THSD7A: variants seen among roughly 807,000 people sequenced by gnomAD.
The protein encoded by THSD7A is thrombospondin type 1 domain containing 7A, also known as thrombospondin type-1 domain-containing protein 7A.
Under a neutral mutation model 231.3 loss-of-function variants are expected in THSD7A, and 96 were observed. The observed-to-expected ratio is 0.41, with a 90% CI of 0.35 to 0.49. The LOEUF is 0.49. Among genes scored for constraint, THSD7A ranks in the 20% least tolerant of loss-of-function variants. The probability of loss-of-function intolerance (pLI) is 0.05; values close to 1 mark genes in which losing one functional copy is unlikely to be tolerated. For missense variants in THSD7A, 2,290 were observed against 2,070.2 expected (o/e 1.11, Z -2.06); for synonymous variants, 940 against 743.3 (o/e 1.26, Z -4.30).
chr7:11,503,463 C>T (rs1236328036), intron 6 of THSD7A, among the ~76,000 whole-genome samples: 2 of 152,114 alleles, frequency 1.3e-5, no homozygotes, highest in Non-Finnish European at 2.9e-5. Flanking sequence ...CAAATGGGAT[C>T]TAATTAAACT....
At chr7:11,378,838 A>G in intron 26 of THSD7A, 2 of 511,438 alleles carry the variant, frequency 3.9e-6, no homozygotes, top group Admixed American at 3.3e-5. Context: ...AATTATATTG[A>G]TCCAAAATTT....
At chr7:11,587,272 A>C (rs1198842354) in intron 4 of THSD7A, among the ~76,000 whole-genome samples, 1 of 152,222 alleles carries the variant, frequency 6.6e-6, no homozygotes, top group African/African-American at 2.4e-5. Flanking sequence ...TCACGCCAGC[A>C]TAAGCTGGAC....
chr7:11,448,619 C>G (rs527624377), intron 11 of THSD7A, among the ~76,000 whole-genome samples: 5 of 152,166 alleles, frequency 3.3e-5, no homozygotes, highest in African/African-American at 9.6e-5. Flanking sequence ...TAGACAACAC[C>G]GTCTGGATCT....
At chr7:11,677,488 T>A (rs1406661401) in intron 1 of THSD7A, among the ~76,000 whole-genome samples, 1 of 145,786 alleles carries the variant, frequency 6.9e-6, no homozygotes, top group Non-Finnish European at 1.5e-5. Context: ...TCAAGACCCA[T>A]CAGTGTGCTG....
At chr7:11,490,495 AC>A (rs2128307382) in intron 6 of THSD7A, among the ~76,000 whole-genome samples, 1 of 152,194 alleles carries the variant, frequency 6.6e-6, no homozygotes, top group South Asian at 2.1e-4. Context: ...GTAAGCTTTG[AC>A]ATGAGACTCA....
At chr7:11,378,530 G>T (rs1782371869) in intron 26 of THSD7A, among the ~76,000 whole-genome samples, 1 of 152,216 alleles carries the variant, frequency 6.6e-6, no homozygotes. Context: ...AGGCTCCATT[G>T]TCTCCCTGTT....
At chr7:11,409,591 GT>G (rs1412084266) in intron 19 of THSD7A, among the ~76,000 whole-genome samples, 1 of 152,044 alleles carries the variant, frequency 6.6e-6, no homozygotes, top group Non-Finnish European at 1.5e-5. Flanking sequence ...GTATGCTTAG[GT>G]TTCAGCTTTC....
chr7:11,692,971 G>A (rs1353823862), intron 1 of THSD7A, among the ~76,000 whole-genome samples: 2 of 151,370 alleles, frequency 1.3e-5, no homozygotes, highest in Non-Finnish European at 1.5e-5. Context: ...TGCAACTAAA[G>A]GGTATCTCAT....
At chr7:11,610,252 G>A (rs1171633917) in intron 2 of THSD7A, among the ~76,000 whole-genome samples, 1 of 152,044 alleles carries the variant, frequency 6.6e-6, no homozygotes, top group African/African-American at 2.4e-5. Context: ...ATTTTTGCAT[G>A]TGTAATGCTA....
In THSD7A at chr7:11,593,390, T is replaced by G. The variant is rs371108204; in HGVS notation, c.1135A>C (p.Met379Leu). 3.4e-5 allele frequency: 55 copies of G among 1,613,922 alleles called. No individual in the cohort carries two copies. Among genetic ancestry groups the G allele is most frequent in the Non-Finnish European group, 4.5e-5 (53 of 1,179,906 alleles). ...WSPCSKTCHDMVSPAGTRVRT... is the reference protein window; with the variant it reads ...WSPCSKTCHDLVSPAGTRVRT... ...ACACGAGTGCCTGCAGGGGACACCA[T>G]GTCATGGCATGTTTTTGAGCAGGGG... Residue 379 changes from methionine to leucine, a missense_variant, in exon 3 of 28, where the codon ATG (methionine) becomes CTG (leucine). Transcript: ENST00000423059.
intron 6 of THSD7A, among the ~76,000 whole-genome samples, chr7:11,514,950 A>C (rs1328695911): frequency 1.3e-5 from 2 of 152,118 alleles, no homozygotes; most frequent in Non-Finnish European, 2.9e-5. Context: ...TTCTAACCTA[A>C]GAAGATGGAT....
At chr7:11,574,320 A>G (rs940695207) in intron 4 of THSD7A, among the ~76,000 whole-genome samples, 1 of 152,110 alleles carries the variant, frequency 6.6e-6, no homozygotes, top group African/African-American at 2.4e-5. Context: ...TGTGCTGTTC[A>G]TTTCTCTATT....
rs1057422784 is a variant in THSD7A at position 11,814,319 on chromosome 7, G to C, written c.190+17438C>G. Among the ~76,000 whole-genome samples, 1 of 152,116 alleles carries C rather than the reference G, an allele frequency of 6.6e-6. No homozygotes were observed. Among genetic ancestry groups the C allele is most frequent in the African/African-American group, 2.4e-5 (1 of 41,406 alleles). ...GCTGTTAAAAGAATGGCTCTGTGAT[G>C]GCAATCCCAAGTATTCAGCACGTGA... On this transcript the variant is annotated intron_variant, in intron 1 of 27. Coordinates refer to ENST00000423059, the MANE Select transcript of THSD7A (RefSeq NM_015204.3). This position sits in a 1 kb window ranked among gnomAD's most constrained non-coding sequence, Gnocchi z 5.1.
chr7:11,474,578 T>C lies in THSD7A; in HGVS notation c.2018-10A>G, dbSNP rs564003964. 61 of 1,580,566 alleles carry C rather than the reference T, an allele frequency of 3.9e-5. 1 individual carries two copies. In the South Asian group the frequency reaches 5.3e-4, roughly 14 times the overall value. ...GGACAGCGAATTCCACCTAAAAACA[T>C]GGACAATGATAGCAAATTAGATACG... is the stretch of plus-strand genomic sequence containing the variant. On this transcript the variant is annotated splice_polypyrimidine_tract_variant and intron_variant, in intron 7 of 27. Transcript: ENST00000423059. This position sits in a 1 kb window ranked among gnomAD's most constrained non-coding sequence, Gnocchi z 4.1.
At chr7:11,459,659 CAG>C (rs1187589199) in intron 11 of THSD7A, among the ~76,000 whole-genome samples, 3 of 92,580 alleles carry the variant, frequency 3.2e-5, no homozygotes, top group East Asian at 7.7e-4. Flanking sequence ...ATTATAAAAA[CAG>C]GGGATTTTTT....
intron 11 of THSD7A, among the ~76,000 whole-genome samples, chr7:11,457,246 C>G (rs1785337943): frequency 6.6e-6 from 1 of 152,020 alleles, no homozygotes. Context: ...AATATTTCCA[C>G]TTGGCTAACC....
At chr7:11,599,821 G>A (rs185231165) in intron 2 of THSD7A, among the ~76,000 whole-genome samples, 4 of 151,722 alleles carry the variant, frequency 2.6e-5, no homozygotes, top group Admixed American at 2.0e-4. Context: ...GTTGCCAAAG[G>A]AGATTAACAT....
At position 11,814,820 on chromosome 7, in the gene THSD7A, G is replaced by A. The variant is rs1219183520; in HGVS notation, c.190+16937C>T. Among the ~76,000 whole-genome samples the A allele has an allele frequency of 1.3e-5, 2 of 152,092 alleles. No individual in the cohort carries two copies. Among genetic ancestry groups the A allele is most frequent in the Non-Finnish European group, 2.9e-5 (2 of 68,008 alleles). The stretch of plus-strand genomic sequence containing the variant: ...CCATTAGAGGTATGTAGTCACCACA[G>A]CAAACTCTCAAAAGAAGCTGTTTGA... On this transcript the variant is annotated intron_variant, in intron 1 of 27. Transcript: ENST00000423059. The surrounding 1 kb of genome is among the most constrained non-coding windows in gnomAD (Gnocchi z 5.1).
intron 11 of THSD7A, among the ~76,000 whole-genome samples, chr7:11,458,386 G>A (rs1305494054): frequency 6.6e-6 from 1 of 152,012 alleles, no homozygotes; most frequent in Admixed American, 6.6e-5. Flanking sequence ...AGAAATATAA[G>A]CTGTACGAAA....
Sources: gnomAD v4.1 joint callset for allele counts (sites outside exome capture counted in the v4.1 genomes callset) on GRCh38, gnomAD v4.1.1 for gene constraint, Gnocchi (gnomAD v3.1) non-coding constraint, MANE v1.5 for transcripts, NCBI Gene and HGNC (gene_info 2026-07-23, HGNC 2026-07-21) for gene names.